AGO2: variants seen among roughly 807,000 people sequenced by gnomAD.
AGO2 encodes argonaute RISC catalytic component 2.
AGO2 carries 5 observed loss-of-function variants against 102.3 expected under a neutral mutation model. The observed-to-expected ratio is 0.05, with a 90% CI of 0.03 to 0.10. The LOEUF (loss-of-function observed/expected upper bound fraction) is 0.10. AGO2 is among the 10% of genes least tolerant of loss of function. The probability of loss-of-function intolerance (pLI) is 1.00; values close to 1 mark genes in which losing one functional copy is unlikely to be tolerated. For synonymous variants in AGO2, 449 were observed against 473.1 expected (o/e 0.95, Z 0.66); for missense variants, 541 against 1,183.7 (o/e 0.46, Z 7.97).
chr8:140,631,718 T>C (rs1343781784), intron 1 of AGO2, among the ~76,000 whole-genome samples: 5 of 151,984 alleles, frequency 3.3e-5, no homozygotes, highest in South Asian at 2.1e-4. Context: ...ATGAGAGAAA[T>C]TGATCACAGA....
intron 1 of AGO2, among the ~76,000 whole-genome samples, chr8:140,612,550 G>A (rs537756167): frequency 8.5e-5 from 13 of 152,190 alleles, no homozygotes; most frequent in Admixed American, 1.3e-4. Context: ...TGGATCACAC[G>A]AGGAGTTTGA....
At chr8:140,641,357 TAGG>T in the AGO2 span, among the ~76,000 whole-genome samples, 7 of 151,002 alleles carry the variant, frequency 4.6e-5, no homozygotes, top group African/African-American at 1.2e-4. Context: ...CTATCTTTCA[TAGG>T]AGGAGAAACA....
chr8:140,538,796 G>A (rs563227247), intron 16 of AGO2, among the ~76,000 whole-genome samples: 12 of 152,194 alleles, frequency 7.9e-5, no homozygotes, highest in Non-Finnish European at 1.3e-4. Context: ...TAGGCCTGTG[G>A]GATTTATAAA....
At chr8:140,636,046 C>A (rs1353623496), upstream of AGO2, among the ~76,000 whole-genome samples, 1 of 151,194 alleles carries the variant, frequency 6.6e-6, no homozygotes, top group Non-Finnish European at 1.5e-5. Context: ...AGGCCACGCG[C>A]CCCCGCTTTC....
intron 1 of AGO2, among the ~76,000 whole-genome samples, chr8:140,617,105 C>G (rs1221279359): frequency 6.6e-6 from 1 of 152,148 alleles, no homozygotes; most frequent in Non-Finnish European, 1.5e-5. Flanking sequence ...CTTGTCAGAC[C>G]CTGTAAGGAA....
intron 1 of AGO2, among the ~76,000 whole-genome samples, chr8:140,625,599 C>A (rs949102531): frequency 6.6e-6 from 1 of 152,158 alleles, no homozygotes; most frequent in African/African-American, 2.4e-5. Flanking sequence ...CATGAACGGG[C>A]CTCACCCCCG....
In AGO2 at chr8:140,627,185, C is replaced by T. The variant is rs539864277; in HGVS notation, c.22+8300G>A. ...GAGAAGCCTGGGAATGTGGGTCCCA[C>T]GGGAGGATCCTTTCACTATCAAAGC... On this transcript the variant is annotated intron_variant, in intron 1 of 18. Transcript: ENST00000220592. 2.2e-4 allele frequency among the ~76,000 whole-genome samples: 33 copies of T among 152,332 alleles called. No individual in the cohort carries two copies. In the South Asian group the frequency reaches 5.6e-3, roughly 26 times the overall value.
At chr8:140,590,264 A>C (rs1466407857) in intron 1 of AGO2, among the ~76,000 whole-genome samples, 1 of 152,156 alleles carries the variant, frequency 6.6e-6, no homozygotes, top group Non-Finnish European at 1.5e-5. Flanking sequence ...GGGCAAACTG[A>C]CCTCGACAGG....
rs1248799820 is a variant in AGO2 at position 140,553,402 on chromosome 8, TTG to T, written c.1270-1968_1270-1967del. Among the ~76,000 whole-genome samples, 16 of 116,696 alleles carry T rather than the reference TTG, an allele frequency of 1.4e-4. 1 individual carries two copies. In the South Asian group the frequency reaches 3.3e-3, roughly 24 times the overall value. 76.6% of individuals were successfully genotyped at this position (116,696 alleles called of 152,430 possible). ...CTGCCTCAAACAAGTTACAAGTTTT[TTG>T]TTTTTTGTTTTTTTTTTTTTTTGAG... is the stretch of plus-strand genomic sequence containing the variant. On this transcript the variant is annotated intron_variant, in intron 10 of 18. Coordinates refer to ENST00000220592, the MANE Select transcript of AGO2 (RefSeq NM_012154.5).
chr8:140,547,454 G>T lies in AGO2; in HGVS notation c.1748+14C>A. The T allele has an allele frequency of 6.2e-7, 1 of 1,612,364 alleles. No homozygotes were observed. The highest frequency in any genetic ancestry group is 2.2e-5 in the East Asian group (1 of 44,866). On this transcript the variant is annotated intron_variant, in intron 13 of 18. Coordinates refer to ENST00000220592, the MANE Select transcript of AGO2 (RefSeq NM_012154.5). ...CCCTGGTCCGCAGGCGGAGGTAAAG[G>T]GGCCGGGCCTCACCTGCCCTGGGGC...
intron 13 of AGO2, among the ~76,000 whole-genome samples, chr8:140,545,260 G>A (rs565286418): frequency 5.3e-5 from 8 of 152,048 alleles, no homozygotes; most frequent in Non-Finnish European, 1.0e-4. Flanking sequence ...GACTTCTCAC[G>A]GCCACAGCAA....
upstream of AGO2, chr8:140,636,308 AG>A (rs2074408158): frequency 6.6e-6 from 1 of 152,286 alleles, no homozygotes; most frequent in Admixed American, 6.5e-5. Flanking sequence ...AGCTGGTATC[AG>A]GGATCAGATC....
chr8:140,568,654 C>G (rs1440656363), intron 3 of AGO2, among the ~76,000 whole-genome samples: 1 of 152,180 alleles, frequency 6.6e-6, no homozygotes, highest in Non-Finnish European at 1.5e-5. Context: ...GTGCTGAGGT[C>G]TAAAGGCATC....
At chr8:140,536,826 C>A (rs1009641748) in intron 16 of AGO2, among the ~76,000 whole-genome samples, 7 of 152,202 alleles carry the variant, frequency 4.6e-5, no homozygotes, top group Non-Finnish European at 4.4e-5. Context: ...CAGGGGAAGA[C>A]ACCCAAGGCC....
chr8:140,540,441 G>A lies in AGO2; in HGVS notation c.2034+723C>T, dbSNP rs543942234. On this transcript the variant is annotated intron_variant, in intron 15 of 18. Coordinates refer to ENST00000220592, the MANE Select transcript of AGO2 (RefSeq NM_012154.5). This position sits in a 1 kb window ranked among gnomAD's most constrained non-coding sequence, Gnocchi z 5.0. ...CAAGGAAGCGACCGTGTGGCATGGCGAGGGGTGGGGAGGAATCGGCTCTAG... is the reference window on the plus strand; with the variant it reads ...CAAGGAAGCGACCGTGTGGCATGGCAAGGGGTGGGGAGGAATCGGCTCTAG... Among the ~76,000 whole-genome samples the A allele has an allele frequency of 6.6e-6, 1 of 152,344 alleles. No homozygotes were observed. The highest frequency in any genetic ancestry group is 1.9e-4 in the East Asian group (1 of 5,184).
rs1002769137 is a variant in AGO2, at chr8:140,540,566, G to A, written c.2034+598C>T. ...ACCTTGATCTGGGGGTGCTGCGTGTGCTCTCAACCAAAGACAGCAACGAAA... is the reference window on the plus strand; with the variant it reads ...ACCTTGATCTGGGGGTGCTGCGTGTACTCTCAACCAAAGACAGCAACGAAA... On this transcript the variant is annotated intron_variant, in intron 15 of 18. Transcript: ENST00000220592. This position sits in a 1 kb window ranked among gnomAD's most constrained non-coding sequence, Gnocchi z 5.0. Among the ~76,000 whole-genome samples the A allele has an allele frequency of 6.6e-6, 1 of 152,196 alleles. No individual in the cohort carries two copies. The highest frequency in any genetic ancestry group is 1.5e-5 in the Non-Finnish European group (1 of 68,030).
intron 1 of AGO2, among the ~76,000 whole-genome samples, chr8:140,595,310 T>C (rs916323923): frequency 6.6e-6 from 1 of 152,170 alleles, no homozygotes; most frequent in Non-Finnish European, 1.5e-5. Flanking sequence ...CCATCTGTCC[T>C]ATATTATGCA....
chr8:140,536,932 G>A (rs1478480698), intron 16 of AGO2, among the ~76,000 whole-genome samples: 2 of 152,114 alleles, frequency 1.3e-5, no homozygotes, highest in Non-Finnish European at 2.9e-5. Context: ...CCTCTTTCTT[G>A]TTGTACAACA....
chr8:140,539,472 A>T lies in AGO2; in HGVS notation c.2035-18T>A. The T allele has an allele frequency of 6.2e-7, 1 of 1,602,654 alleles. No homozygotes were observed. The highest frequency in any genetic ancestry group is 8.5e-7 in the Non-Finnish European group (1 of 1,173,946). On this transcript the variant is annotated intron_variant, in intron 15 of 18. Transcript: ENST00000220592. The surrounding 1 kb of genome is among the most constrained non-coding windows in gnomAD (Gnocchi z 4.7). Reference sequence around the variant, plus strand: ...TGGAGAACCTAGGGGTACGGGAGGGAGGAGGTTGTGCTTAAAGATGGTAGT... The same window carrying T: ...TGGAGAACCTAGGGGTACGGGAGGGTGGAGGTTGTGCTTAAAGATGGTAGT...
Sources: gnomAD v4.1 joint callset for allele counts (sites outside exome capture counted in the v4.1 genomes callset) on GRCh38, gnomAD v4.1.1 for gene constraint, Gnocchi (gnomAD v3.1) non-coding constraint, MANE v1.5 for transcripts, NCBI Gene and HGNC (gene_info 2026-07-23, HGNC 2026-07-21) for gene names.